The following CHRNE variants were observed in gnomAD, a reference collection of about 807,000 sequenced individuals.
CHRNE encodes the protein cholinergic receptor nicotinic epsilon subunit, also known as acetylcholine receptor subunit epsilon.
A neutral mutation model predicts 56.5 loss-of-function variants in CHRNE; 58 were observed. The ratio of observed to expected loss-of-function variants is 1.03; its 90% confidence interval spans 0.83 to 1.28. The LOEUF (loss-of-function observed/expected upper bound fraction) is 1.28. Among genes scored for constraint, CHRNE ranks in the 50% most tolerant of loss-of-function variants. The pLI is 0.00. For synonymous variants in CHRNE, 385 were observed against 297.9 expected (o/e 1.29, Z -3.01); for missense variants, 793 against 688.9 (o/e 1.15, Z -1.69).
In CHRNE at chr17:4,899,527, C is replaced by T; in HGVS notation, c.973G>A (p.Val325Met). The T allele has an allele frequency of 1.2e-6, 2 of 1,604,678 alleles. No individual in the cohort carries two copies. The highest frequency in any genetic ancestry group is 1.7e-6 in the Non-Finnish European group (2 of 1,176,732). ...GGCGTCCGCTGGGACACGTTGAGCA[C>T]GATGACGCAATTCATGACAATGAGC... ...ATLIVMNCVI[V>M]LNVSQRTPTT... is the part of the protein sequence containing the mutation. Residue 325 changes from valine to methionine, a missense_variant, in exon 9 of 12, where the codon GTG becomes ATG. By Grantham distance (21) the Val-to-Met change is conservative (BLOSUM62 1). Transcript: ENST00000649488.
At chr17:4,907,771 G>A (rs1970110089), upstream of CHRNE, among the ~76,000 whole-genome samples, 1 of 152,120 alleles carries the variant, frequency 6.6e-6, no homozygotes, top group African/African-American at 2.4e-5. Flanking sequence ...GCTGGGTGAG[G>A]TGGCTCGTGC....
In CHRNE at chr17:4,898,736, C is replaced by A; in HGVS notation, c.1482G>T (p.Ter494TyrextTer15). 6.2e-7 allele frequency: 1 copy of A among 1,609,774 alleles called. No homozygotes were observed. The change falls in exon 12 of 12, where the codon TAG becomes TAT. Residue 494 changes from the stop codon to tyrosine, a stop_lost. Transcript: ENST00000649488. ...DLPYAPCIQP[*>Y] ...GGTGGGAAATTGAAGTCGGTGCGAG[C>A]TAAGGCTGGATACACGGCGCGTAGG... is the stretch of plus-strand genomic sequence containing the variant.
rs778780202 is a variant in CHRNE, at chr17:4,903,050, G to A, written c.14C>T (p.Pro5Leu). The change falls in exon 1 of 12, where the codon CCG becomes CTG. Residue 5 changes from proline (P) to leucine (L), a missense_variant. By Grantham distance (98) the Pro-to-Leu change is moderately conservative. Transcript: ENST00000649488. MARA[P>L]LGVLLLLGLL... ...CCCCAAGAGGAGCAGGACCCCAAGC[G>A]GAGCCCTTGCCATCCTGCTGCGTGG... 3.2e-5 allele frequency: 51 copies of A among 1,613,886 alleles called. No individual in the cohort carries two copies. Among genetic ancestry groups the A allele is most frequent in the Non-Finnish European group, 2.1e-5 (25 of 1,180,004 alleles).
chr17:4,897,935 C>G lies in CHRNE; in HGVS notation c.*801G>C, dbSNP rs1056906243. On this transcript the variant is annotated 3_prime_UTR_variant, in exon 12 of 12. Coordinates refer to ENST00000649488, the MANE Select transcript of CHRNE (RefSeq NM_000080.4). ...AGCAGGGAGCCCTCACTCTCCACGCCCCTTGCTTGCATCTGTATATAGTGT... is the reference window on the plus strand; with the variant it reads ...AGCAGGGAGCCCTCACTCTCCACGCGCCTTGCTTGCATCTGTATATAGTGT... The G allele has an allele frequency of 6.6e-6, 1 of 152,220 alleles. No individual in the cohort carries two copies. The highest frequency in any genetic ancestry group is 1.5e-5 in the Non-Finnish European group (1 of 68,324). 9.4% of individuals were successfully genotyped at this position (152,220 alleles called of 1,614,324 possible). A position where few individuals can be genotyped will look rare whatever the true frequency, so the allele number is the denominator to read the frequency against.
At chr17:4,906,255 G>A (rs1970091408), upstream of CHRNE, among the ~76,000 whole-genome samples, 1 of 152,108 alleles carries the variant, frequency 6.6e-6, no homozygotes, top group Admixed American at 6.6e-5. Context: ...ATGGATAGTG[G>A]GTGTGGCAGG....
At chr17:4,905,994 T>C (rs2151100671), upstream of CHRNE, among the ~76,000 whole-genome samples, 1 of 152,340 alleles carries the variant, frequency 6.6e-6, no homozygotes, top group African/African-American at 2.4e-5. Flanking sequence ...CTCTGTCCGC[T>C]CTCTGCTCCT....
chr17:4,903,329 G>A (rs567261642), upstream of CHRNE, among the ~76,000 whole-genome samples: 22 of 152,130 alleles, frequency 1.4e-4, no homozygotes, highest in South Asian at 4.1e-4. Flanking sequence ...AGATGTGGGC[G>A]TCTCCTGAGA....
Position 4,898,433 on chromosome 17 carries a change from C to T in CHRNE, c.*303G>A, listed in dbSNP as rs1969799067. ...TAGATAGCTCACAAGCTGGCAGCCA[C>T]CAGAGTCCCGTGGGGCTGAGCCTTA... is the stretch of plus-strand genomic sequence containing the variant. On this transcript the variant is annotated 3_prime_UTR_variant, in exon 12 of 12. Coordinates refer to ENST00000649488, the MANE Select transcript of CHRNE (RefSeq NM_000080.4). 1 of 479,922 alleles carries T rather than the reference C, an allele frequency of 2.1e-6. No individual in the cohort carries two copies. The highest frequency in any genetic ancestry group is 2.1e-5 in the South Asian group (1 of 47,500). 29.7% of individuals were successfully genotyped at this position (479,922 alleles called of 1,614,324 possible). A position where few individuals can be genotyped will look rare whatever the true frequency, so the allele number is the denominator to read the frequency against.
upstream of CHRNE, among the ~76,000 whole-genome samples, chr17:4,903,842 C>T (rs977910852): frequency 2.6e-5 from 4 of 152,090 alleles, no homozygotes; most frequent in African/African-American, 9.7e-5. Context: ...CTTAATAGAT[C>T]CTTTTGATGT....
upstream of CHRNE, among the ~76,000 whole-genome samples, chr17:4,905,218 T>C (rs1172131753): frequency 6.6e-6 from 1 of 152,146 alleles, no homozygotes; most frequent in East Asian, 1.9e-4. Flanking sequence ...ACAGGTGCTA[T>C]AGAATCTGTA....
At position 4,901,987 on chromosome 17, in the gene CHRNE, C is replaced by T. The variant is rs1288673136; in HGVS notation, c.445G>A (p.Ala149Thr). ...LPPAIYRSVC[A>T]VEVTYFPFDW... ...AAGGGGAAGTAGGTGACCTCCACTGCGCAGACGCTGCGGTAGATGGCCGGA... is the reference window on the plus strand; with the variant it reads ...AAGGGGAAGTAGGTGACCTCCACTGTGCAGACGCTGCGGTAGATGGCCGGA... The change falls in exon 5 of 12, where the codon GCA becomes ACA. Residue 149 changes from alanine (A) to threonine (T), a missense_variant. Physicochemically the swap from Ala to Thr is moderately conservative, Grantham distance 58. Transcript: ENST00000649488. 5 of 1,614,114 alleles carry T rather than the reference C, an allele frequency of 3.1e-6. No individual in the cohort carries two copies. Among genetic ancestry groups the T allele is most frequent in the Non-Finnish European group, 4.2e-6 (5 of 1,180,030 alleles).
Position 4,901,204 on chromosome 17 carries a change from G to C in CHRNE, c.602-14C>G, listed in dbSNP as rs202127846. 24 of 1,598,292 alleles carry C rather than the reference G, an allele frequency of 1.5e-5. No individual in the cohort carries two copies. The highest frequency in any genetic ancestry group is 2.0e-5 in the Non-Finnish European group (23 of 1,176,894). ...ACTCGCCGTTCTCTGCGGGACGGGG[G>C]CACGGTCAGCTGGCTGTCAGAGCGG... On this transcript the variant is annotated splice_polypyrimidine_tract_variant and intron_variant, in intron 6 of 11. Transcript: ENST00000649488.
upstream of CHRNE, among the ~76,000 whole-genome samples, chr17:4,905,516 G>C (rs190351623): frequency 1.3e-5 from 2 of 152,096 alleles, no homozygotes; most frequent in African/African-American, 2.4e-5. Context: ...AGTGAGCTAC[G>C]ATCACACTAC....
In CHRNE at chr17:4,900,058, G is replaced by A. The variant is rs1174757023; in HGVS notation, c.918-476C>T. The A allele has an allele frequency of 2.6e-6, 4 of 1,551,212 alleles. No homozygotes were observed. The East Asian group carries it at 9.8e-5, about 38-fold the overall frequency. ...AGCCACCCGAACCGAAGATGCAGGG[G>A]ATGCTGCCTGCCCCGAAGCCCACCC... On this transcript the variant is annotated intron_variant, in intron 8 of 11. Transcript: ENST00000649488.
intron 6 of CHRNE, 95 bp downstream of exon 6, chr17:4,901,430 C>A: frequency 8.6e-7 from 1 of 1,167,406 alleles, no homozygotes; most frequent in East Asian, 2.3e-5. Flanking sequence ...GGAAGTCATC[C>A]TCCAGTGTCG....
Position 4,901,122 on chromosome 17 carries a change from C to G in CHRNE, c.670G>C (p.Gly224Arg). The part of the protein sequence containing the change: ...IRRHHGGATD[G>R]PGETDVIYSL... ...TAGATGACGTCAGTCTCCCCTGGGC[C>G]GTCGGTGGCGCCACCGTGGTGGCGG... Residue 224 changes from glycine (G) to arginine (R), a missense_variant, in exon 7 of 12, where the codon GGC becomes CGC. Transcript: ENST00000649488. 2 of 1,612,778 alleles carry G rather than the reference C, an allele frequency of 1.2e-6. No individual in the cohort carries two copies. The highest frequency in any genetic ancestry group is 1.7e-6 in the Non-Finnish European group (2 of 1,179,928).
At chr17:4,899,831 G>A in intron 8 of CHRNE, 1 of 1,551,182 alleles carries the variant, frequency 6.4e-7, no homozygotes, top group South Asian at 1.2e-5. Flanking sequence ...CCACCGAGGT[G>A]AGGCTACGCC....
At position 4,901,023 on chromosome 17, in the gene CHRNE, G is replaced by C; in HGVS notation, c.769C>G (p.Leu257Val). 6.2e-7 allele frequency: 1 copy of C among 1,614,032 alleles called. No homozygotes were observed. The highest frequency in any genetic ancestry group is 1.1e-5 in the South Asian group (1 of 91,084). The change falls in exon 7 of 12, where the codon CTG (leucine) becomes GTG (valine). Residue 257 changes from leucine (L) to valine (V), a missense_variant. Physicochemically the swap from Leu to Val is conservative, Grantham distance 32. Coordinates refer to ENST00000649488, the MANE Select transcript of CHRNE (RefSeq NM_000080.4). ...IIVPCVLISG[L>V]VLLAYFLPAQ... is the part of the protein sequence containing the mutation. ...GGCAGGAAGTAGGCGAGCAGCACCA[G>C]GCCCGAGATGAGCACACAGGGCACG...
At chr17:4,900,667 C>T in intron 8 of CHRNE, 126 bp downstream of exon 8, 1 of 1,441,622 alleles carries the variant, frequency 6.9e-7, no homozygotes, top group South Asian at 1.2e-5. Flanking sequence ...CGTACCAGCC[C>T]CACCCAGCGT....
Sources: gnomAD v4.1 joint callset for allele counts (sites outside exome capture counted in the v4.1 genomes callset) on GRCh38, gnomAD v4.1.1 for gene constraint, MANE v1.5 for transcripts, NCBI Gene and HGNC (gene_info 2026-07-23, HGNC 2026-07-21) for gene names.